TUSC3: variants seen among roughly 807,000 people sequenced by gnomAD.
The protein encoded by TUSC3 is tumor suppressor candidate 3.
TUSC3 carries 45 observed loss-of-function variants against 44.8 expected under a neutral mutation model. The observed-to-expected ratio is 1.00, with a 90% CI of 0.79 to 1.29. The LOEUF (loss-of-function observed/expected upper bound fraction) is 1.29, where lower values mean the gene tolerates loss of function less well. Ranked by LOEUF, TUSC3 falls within the 50% of genes most tolerant of loss-of-function variation. The pLI, the probability that TUSC3 is intolerant of heterozygous loss-of-function variation, is 0.00. For synonymous variants in TUSC3, 212 were observed against 152.9 expected, an observed-to-expected ratio of 1.39 and a Z score of -2.85; for missense variants, 519 against 437.9, an observed-to-expected ratio of 1.19 and a Z score of -1.65.
intron 1 of TUSC3, among the ~76,000 whole-genome samples, chr8:15,618,742 A>G (rs1805105626): frequency 1.3e-5 from 2 of 152,228 alleles, no homozygotes; most frequent in South Asian, 4.1e-4. Flanking sequence ...AGTATTATAT[A>G]CTATACGTAA....
At chr8:15,795,640 A>G in the TUSC3 span, among the ~76,000 whole-genome samples, 1 of 152,224 alleles carries the variant, frequency 6.6e-6, no homozygotes, top group Non-Finnish European at 1.5e-5. Flanking sequence ...ACACACAAGA[A>G]GCACAGTTCT....
downstream of TUSC3, among the ~76,000 whole-genome samples, chr8:15,767,651 C>G (rs1319404972): frequency 6.6e-6 from 1 of 152,098 alleles, no homozygotes; most frequent in Non-Finnish European, 1.5e-5. Context: ...ATGTGGGTTC[C>G]TGGCTTTGGA....
At chr8:15,424,000 TTTTTTTTG>T in intron 1 of TUSC3, among the ~76,000 whole-genome samples, 1 of 136,132 alleles carries the variant, frequency 7.3e-6, no homozygotes, top group African/African-American at 2.7e-5. Context: ...TTTTTTTTTT[TTTTTTTTG>T]AGAAGGAGTT....
At chr8:15,581,586 G>A (rs572386522) in intron 1 of TUSC3, among the ~76,000 whole-genome samples, 4 of 149,296 alleles carry the variant, frequency 2.7e-5, no homozygotes, top group Non-Finnish European at 5.9e-5. Flanking sequence ...AGTGTGAGGT[G>A]TCAGTGTGCC....
chr8:15,738,172 C>T (rs1244549603), intron 7 of TUSC3, among the ~76,000 whole-genome samples: 1 of 152,130 alleles, frequency 6.6e-6, no homozygotes, highest in African/African-American at 2.4e-5. Context: ...AGAGATCATA[C>T]TTACTTACTG....
intron 6 of TUSC3, among the ~76,000 whole-genome samples, chr8:15,679,232 A>G (rs1051006977): frequency 9.2e-5 from 14 of 152,154 alleles, no homozygotes; most frequent in African/African-American, 3.1e-4. Context: ...AGTGGTGTAT[A>G]AGCATTCCCT....
the TUSC3 span, among the ~76,000 whole-genome samples, chr8:15,826,662 T>A: frequency 4.6e-5 from 7 of 152,166 alleles, no homozygotes; most frequent in Non-Finnish European, 1.5e-5. Context: ...GAATGCTATT[T>A]ATTTCAAGCA....
intron 1 of TUSC3, among the ~76,000 whole-genome samples, chr8:15,617,119 A>AGTGTGTGTGTGTGTGTGTGTGT (rs1337880053): frequency 6.9e-5 from 2 of 28,848 alleles, no homozygotes; most frequent in Non-Finnish European, 1.9e-4. Context: ...CTATCTGTAA[A>AGTGTGTGTGTGTGTGTGTGTGT]ATGTGTGTGT....
rs1192128748 is a variant in TUSC3, at chr8:15,617,242, T to G, written c.139-5838T>G. 3.3e-5 allele frequency among the ~76,000 whole-genome samples: 5 copies of G among 150,094 alleles called. No homozygotes were observed. The East Asian group carries it at 8.0e-4, about 24-fold the overall frequency. On this transcript the variant is annotated intron_variant, in intron 1 of 10. Transcript: ENST00000503731. ...GCAAGCTCCGCCTCCCAGGTTCAAGTGATTCTCCTGCTTCAGCCTCCTGAG... is the reference window on the plus strand; with the variant it reads ...GCAAGCTCCGCCTCCCAGGTTCAAGGGATTCTCCTGCTTCAGCCTCCTGAG...
the TUSC3 span, among the ~76,000 whole-genome samples, chr8:15,779,974 T>A: frequency 6.6e-6 from 1 of 152,206 alleles, no homozygotes; most frequent in Non-Finnish European, 1.5e-5. Context: ...AACACTGTAC[T>A]GAAGATTCTG....
intron 6 of TUSC3, among the ~76,000 whole-genome samples, chr8:15,696,889 C>G (rs1809192395): frequency 6.6e-6 from 1 of 152,056 alleles, no homozygotes; most frequent in African/African-American, 2.4e-5. Context: ...CTTTGAATGT[C>G]TGGTAGAATT....
chr8:15,773,454 C>T, the TUSC3 span, among the ~76,000 whole-genome samples: 1 of 151,826 alleles, frequency 6.6e-6, no homozygotes, highest in Non-Finnish European at 1.5e-5. Context: ...AAAAAAAGAC[C>T]TAAACAAATA....
chr8:15,565,984 C>T (rs4831341), intron 1 of TUSC3, among the ~76,000 whole-genome samples: 31,770 of 152,038 alleles, frequency 0.21, 4,039 homozygotes, highest in Non-Finnish European at 0.29. Flanking sequence ...TTATTAAAAA[C>T]TAAATACCAA....
chr8:15,536,580 G>T (rs546511890), upstream of TUSC3, among the ~76,000 whole-genome samples: 160 of 150,686 alleles, frequency 1.1e-3, 1 homozygote, highest in Middle Eastern at 6.8e-3. Context: ...TACTCGGGAG[G>T]CTGAGGCAGG....
chr8:15,757,478 C>T (rs1160974981), intron 9 of TUSC3, among the ~76,000 whole-genome samples: 1 of 152,134 alleles, frequency 6.6e-6, no homozygotes, highest in Non-Finnish European at 1.5e-5. Flanking sequence ...CAACCTTAAG[C>T]TGTACAAATA....
intron 2 of TUSC3, among the ~76,000 whole-genome samples, chr8:15,497,070 A>T (rs532143769): frequency 6.6e-6 from 1 of 152,206 alleles, no homozygotes; most frequent in Non-Finnish European, 1.5e-5. Context: ...GAAATGACAA[A>T]ATACGGAAAA....
At chr8:15,489,307 C>G (rs768099298) in intron 2 of TUSC3, among the ~76,000 whole-genome samples, 1 of 152,064 alleles carries the variant, frequency 6.6e-6, no homozygotes, top group Non-Finnish European at 1.5e-5. Context: ...TATTTAAAGA[C>G]CTGGAATCAA....
intron 6 of TUSC3, among the ~76,000 whole-genome samples, chr8:15,697,505 T>TG (rs766827953): frequency 6.6e-6 from 1 of 152,182 alleles, no homozygotes; most frequent in Non-Finnish European, 1.5e-5. Context: ...TGCCAAGTGC[T>TG]GGGGGGTCTA....
At chr8:15,626,204 C>G (rs984349593) in intron 2 of TUSC3, among the ~76,000 whole-genome samples, 2 of 152,182 alleles carry the variant, frequency 1.3e-5, no homozygotes, top group Non-Finnish European at 2.9e-5. Flanking sequence ...CTCTGCCACT[C>G]CAGACCCTGT....
Sources: gnomAD v4.1 joint callset for allele counts (sites outside exome capture counted in the v4.1 genomes callset) on GRCh38, gnomAD v4.1.1 for gene constraint, MANE v1.5 for transcripts, NCBI Gene and HGNC (gene_info 2026-07-23, HGNC 2026-07-21) for gene names.